Variants in TPTE observed in about 807,000 individuals in gnomAD.
The protein encoded by TPTE is putative tyrosine-protein phosphatase TPTE.
In TPTE, 59 loss-of-function variants were observed where a neutral mutation model predicts 84.1. The ratio of observed to expected loss-of-function variants is 0.70; its 90% CI spans 0.57 to 0.87. TPTE has a LOEUF of 0.87. TPTE is among the 40% of genes least tolerant of loss of function. The pLI, the probability that TPTE is intolerant of heterozygous loss-of-function variation, is 0.00. For synonymous variants in TPTE, 130 were observed against 223.5 expected (o/e 0.58, Z 3.73); for missense variants, 382 against 659.6 (o/e 0.58, Z 4.61).
At position 10,530,556 on chromosome 21, in the gene TPTE, G is replaced by T. The variant is rs2074159893; in HGVS notation, c.-44+3144G>T. ...ACTGGTATGAAAAATTGCACAGCAT[G>T]CATCCCCTAGTGAGGAACACATATA... On this transcript the variant is annotated intron_variant, in intron 3 of 23. Coordinates refer to ENST00000618007, the MANE Select transcript of TPTE (RefSeq NM_199261.4). Among the ~76,000 whole-genome samples the T allele has an allele frequency of 2.0e-5, 3 of 152,306 alleles. No individual in the cohort carries two copies. In the South Asian group the frequency reaches 6.2e-4, roughly 31 times the overall value.
At chr21:10,550,804 C>G (rs1334494153) in intron 7 of TPTE, among the ~76,000 whole-genome samples, 1 of 152,306 alleles carries the variant, frequency 6.6e-6, no homozygotes, top group Non-Finnish European at 1.5e-5. Context: ...AATACACATT[C>G]TTTTCATCAG....
At chr21:10,558,905 T>G (rs1427670767) in intron 8 of TPTE, among the ~76,000 whole-genome samples, 1 of 152,302 alleles carries the variant, frequency 6.6e-6, no homozygotes, top group African/African-American at 2.4e-5. Context: ...TTCCTTTGAT[T>G]AATGGAAGGA....
At position 10,603,647 on chromosome 21, in the gene TPTE, GA is replaced by G. The variant is rs767938915; in HGVS notation, c.1520+18del. On this transcript the variant is annotated intron_variant, in intron 23 of 23. Coordinates refer to ENST00000618007, the MANE Select transcript of TPTE (RefSeq NM_199261.4). ...GAAAATAACAGGTATGAATATAATA[GA>G]AACCCATAGAAACAGCCTAATCTTC... 1 of 1,607,770 alleles carries G rather than the reference GA, an allele frequency of 6.2e-7. No individual in the cohort carries two copies. The highest frequency in any genetic ancestry group is 1.3e-5 in the African/African-American group (1 of 74,790).
chr21:10,542,530 CCCATCCATCCATCCAT>C (rs3049906), intron 6 of TPTE, 82 bp downstream of exon 6: 5 of 1,308,086 alleles, frequency 3.8e-6, no homozygotes, highest in East Asian at 2.6e-5. Flanking sequence ...GCAAGTATAC[CCCATCCATCCATCCAT>C]CCATCCATCC....
At position 10,605,400 on chromosome 21, in the gene TPTE, T is replaced by C; in HGVS notation, c.1521-17T>C. The C allele has an allele frequency of 6.2e-7, 1 of 1,612,260 alleles. No homozygotes were observed. The highest frequency in any genetic ancestry group is 8.5e-7 in the Non-Finnish European group (1 of 1,179,110). ...TGAGCCCCAATATAAAATGTAATAA[T>C]TTTTTTCTATTCTTAGGCTTTATCT... On this transcript the variant is annotated splice_polypyrimidine_tract_variant and intron_variant, in intron 23 of 23. Transcript: ENST00000618007.
At chr21:10,523,172 G>T (rs1417133068) in intron 1 of TPTE, among the ~76,000 whole-genome samples, 2 of 152,296 alleles carry the variant, frequency 1.3e-5, no homozygotes, top group African/African-American at 2.4e-5. Context: ...ACATACAAAA[G>T]AAAAAATAAC....
chr21:10,544,852 C>T (rs1437084601), intron 7 of TPTE, among the ~76,000 whole-genome samples: 9 of 152,420 alleles, frequency 5.9e-5, no homozygotes, highest in African/African-American at 2.2e-4. Flanking sequence ...TAAATTTTGC[C>T]AGAAACAGTA....
chr21:10,540,854 T>G (rs1474264868), intron 4 of TPTE: 10 of 619,624 alleles, frequency 1.6e-5, no homozygotes, highest in Admixed American at 1.5e-4. Context: ...CCAAAAATGC[T>G]GTTACACCTT....
Position 10,590,665 on chromosome 21 carries a change from T to A in TPTE, c.1089+142T>A, listed in dbSNP as rs1051946663. On this transcript the variant is annotated intron_variant, in intron 18 of 23. Transcript: ENST00000618007. ...TTAGAGAAGCAGTCTTTAGAAAGTC[T>A]GTTTTTGATACTTTCTTGTTTAATG... 2.1e-6 allele frequency: 3 copies of A among 1,412,888 alleles called. No individual in the cohort carries two copies. In the Admixed American group the frequency reaches 6.3e-5, roughly 30 times the overall value. The allele number at this position is 1,412,888 out of a possible 1,614,324, so 87.5% of individuals were successfully genotyped here. A position where few individuals can be genotyped will look rare whatever the true frequency, so the allele number is the denominator to read the frequency against.
At chr21:10,555,004 A>G (rs1233073735) in intron 8 of TPTE, among the ~76,000 whole-genome samples, 2 of 152,306 alleles carry the variant, frequency 1.3e-5, no homozygotes, top group African/African-American at 4.8e-5. Flanking sequence ...GCACAAGAGA[A>G]AAATGTGTCC....
intron 1 of TPTE, among the ~76,000 whole-genome samples, chr21:10,523,755 CAT>C (rs1453451289): frequency 1.3e-5 from 2 of 152,312 alleles, no homozygotes; most frequent in Non-Finnish European, 1.5e-5. Context: ...CTGCAGTAAA[CAT>C]ACGTGTGCAT....
At chr21:10,546,704 C>T (rs1013967366) in intron 7 of TPTE, among the ~76,000 whole-genome samples, 6 of 152,430 alleles carry the variant, frequency 3.9e-5, no homozygotes, top group African/African-American at 1.4e-4. Context: ...AAGGATCAAA[C>T]CGGCCACAGC....
At chr21:10,546,191 A>G (rs2074464568) in intron 7 of TPTE, among the ~76,000 whole-genome samples, 1 of 152,310 alleles carries the variant, frequency 6.6e-6, no homozygotes, top group Non-Finnish European at 1.5e-5. Context: ...AGTATTCCAA[A>G]CTTTTTATTA....
chr21:10,589,811 C>T (rs973447309), intron 17 of TPTE, among the ~76,000 whole-genome samples: 2 of 152,312 alleles, frequency 1.3e-5, no homozygotes, highest in African/African-American at 4.8e-5. Flanking sequence ...CTGGGATGTC[C>T]TTCAAAATTC....
At chr21:10,572,465 AAAAAAAAG>A (rs2075065049) in intron 14 of TPTE, among the ~76,000 whole-genome samples, 1 of 152,408 alleles carries the variant, frequency 6.6e-6, no homozygotes, top group African/African-American at 2.4e-5. Flanking sequence ...AAAAAAAAAA[AAAAAAAAG>A]GAAATGTTAA....
intron 7 of TPTE, among the ~76,000 whole-genome samples, chr21:10,548,013 G>A (rs1383281437): frequency 2.0e-5 from 3 of 152,310 alleles, no homozygotes; most frequent in Admixed American, 6.5e-5. Context: ...CAGCCTTGCG[G>A]GCCCCATCAA....
At position 10,542,434 on chromosome 21, in the gene TPTE, A is replaced by G. The variant is rs2074385969; in HGVS notation, c.105A>G (p.Ala35=). 1 of 1,611,834 alleles carries G rather than the reference A, an allele frequency of 6.2e-7. No individual in the cohort carries two copies. Among genetic ancestry groups the G allele is most frequent in the East Asian group, 2.2e-5 (1 of 44,838 alleles). ...TSEFKGATEE[A]PAKESPHTSE... ...AATTTAAAGGAGCAACCGAGGAGGC[A>G]CCTGCGAAAGAAAGGTGAGCAATAA... The change falls in exon 6 of 24, where the codon GCA becomes GCG. Residue 35 remains alanine, a synonymous_variant. Transcript: ENST00000618007.
intron 3 of TPTE, among the ~76,000 whole-genome samples, chr21:10,527,954 G>A (rs547360042): frequency 6.6e-6 from 1 of 152,304 alleles, no homozygotes; most frequent in East Asian, 1.9e-4. Context: ...CCTACAAATG[G>A]GACATGAATT....
In TPTE at chr21:10,522,297, C is replaced by T. The variant is rs1165562115; in HGVS notation, c.-211+603C>T. ...TCTTGGCCGTCACACTCACGCTGCA[C>T]GATTTAGAAGGGCTTGGGGTGCGGG... On this transcript the variant is annotated intron_variant, in intron 1 of 23. Coordinates refer to ENST00000618007, the MANE Select transcript of TPTE (RefSeq NM_199261.4). Among the ~76,000 whole-genome samples the T allele has an allele frequency of 4.6e-5, 7 of 151,442 alleles. No homozygotes were observed. In the East Asian group the frequency reaches 1.4e-3, roughly 29 times the overall value.
Sources: gnomAD v4.1 joint callset for allele counts (sites outside exome capture counted in the v4.1 genomes callset) on GRCh38, gnomAD v4.1.1 for gene constraint, MANE v1.5 for transcripts, NCBI Gene and HGNC (gene_info 2026-07-23, HGNC 2026-07-21) for gene names.